The following UBE2E3 variants were observed in gnomAD, a reference collection of about 807,000 sequenced individuals.
The protein encoded by UBE2E3 is ubiquitin conjugating enzyme E2 E3.
In UBE2E3, 5 loss-of-function variants were observed where a neutral mutation model predicts 23.6. The observed-to-expected ratio is 0.21, with a 90% CI of 0.11 to 0.44. The LOEUF (loss-of-function observed/expected upper bound fraction) is 0.44. UBE2E3 is among the 20% of genes least tolerant of loss of function. UBE2E3 has a pLI of 0.99. For synonymous variants in UBE2E3, 78 were observed against 87.5 expected (o/e 0.89, Z 0.60); for missense variants, 81 against 249.8 (o/e 0.32, Z 4.55).
At chr2:180,989,769 C>T (rs1045187128) in intron 3 of UBE2E3, 4 of 1,172,482 alleles carry the variant, frequency 3.4e-6, no homozygotes, top group African/African-American at 1.5e-5. Context: ...TATATGTTTA[C>T]TTCGCAGCTA....
chr2:181,051,788 C>T (rs1454640762), intron 3 of UBE2E3, among the ~76,000 whole-genome samples: 1 of 151,764 alleles, frequency 6.6e-6, no homozygotes, highest in Admixed American at 6.6e-5. Flanking sequence ...ATGGAGTAAC[C>T]TTTTGTATGT....
chr2:180,995,218 C>G (rs533771907), intron 3 of UBE2E3, among the ~76,000 whole-genome samples: 1 of 152,116 alleles, frequency 6.6e-6, no homozygotes, highest in East Asian at 1.9e-4. Context: ...GTTAGTGGCA[C>G]TAGTGATGCT....
At chr2:180,998,030 G>A (rs1221042198) in intron 3 of UBE2E3, among the ~76,000 whole-genome samples, 1 of 152,044 alleles carries the variant, frequency 6.6e-6, no homozygotes, top group Non-Finnish European at 1.5e-5. Flanking sequence ...TCGGTAAAAT[G>A]CCGTAGCACT....
chr2:181,052,701 C>G (rs1455896426), intron 3 of UBE2E3, among the ~76,000 whole-genome samples: 1 of 151,720 alleles, frequency 6.6e-6, no homozygotes, highest in Admixed American at 6.6e-5. Flanking sequence ...TCCTGTTTAC[C>G]TCCCAGTTTG....
At chr2:180,990,071 T>A in intron 3 of UBE2E3, 2 of 1,214,348 alleles carry the variant, frequency 1.6e-6, no homozygotes, top group Non-Finnish European at 2.2e-6. Context: ...TTGGGCATTT[T>A]AATTGGAATC....
chr2:181,015,979 T>A lies in UBE2E3; in HGVS notation c.245+31886T>A, dbSNP rs566001943. Among the ~76,000 whole-genome samples the A allele has an allele frequency of 6.8e-5, 8 of 117,764 alleles. No individual in the cohort carries two copies. The South Asian group carries it at 2.1e-3, about 32-fold the overall frequency. The allele number at this position is 117,764 out of a possible 152,430, so 77.3% of individuals were successfully genotyped here. A position where few individuals can be genotyped will look rare whatever the true frequency, so the allele number is the denominator to read the frequency against. ...AGCATGTTAGAGCAATGAGAATGAG[T>A]CCAGAGTAATTAGCCATGAAGATTA... On this transcript the variant is annotated intron_variant, in intron 3 of 5. Transcript: ENST00000410062.
At chr2:181,034,120 A>G (rs929944636) in intron 3 of UBE2E3, among the ~76,000 whole-genome samples, 12 of 152,328 alleles carry the variant, frequency 7.9e-5, no homozygotes, top group Non-Finnish European at 1.6e-4. Flanking sequence ...ACAGTGTGGC[A>G]ATTTCTCAAG....
chr2:181,020,556 A>C (rs1685642101), intron 3 of UBE2E3, among the ~76,000 whole-genome samples: 1 of 152,204 alleles, frequency 6.6e-6, no homozygotes, highest in African/African-American at 2.4e-5. Flanking sequence ...TAAAACTAGA[A>C]TTATTTCCTT....
intron 3 of UBE2E3, among the ~76,000 whole-genome samples, chr2:181,029,943 T>A (rs1308371031): frequency 6.6e-6 from 1 of 151,722 alleles, no homozygotes; most frequent in East Asian, 1.9e-4. Flanking sequence ...TTCAAGTGAT[T>A]CCCCTTCCTC....
Position 181,062,299 on chromosome 2 carries a change from TAAAAC to T in UBE2E3, c.527-487_527-483del, listed in dbSNP as rs538276418. 3.2e-4 allele frequency among the ~76,000 whole-genome samples: 49 copies of T among 151,780 alleles called. 2 individuals carry two copies. The East Asian group carries it at 8.4e-3, about 26-fold the overall frequency. On this transcript the variant is annotated intron_variant, in intron 5 of 5. Coordinates refer to ENST00000410062, the MANE Select transcript of UBE2E3 (RefSeq NM_006357.4). ...TCACTCTCTAGTTCAGAATTCTACTTAAAACAAAATGGCAAGTAAGTTTTCAAGTG... is the reference window on the plus strand; with the variant it reads ...TCACTCTCTAGTTCAGAATTCTACTTAAAATGGCAAGTAAGTTTTCAAGTG...
At chr2:180,981,349 G>C (rs1684286156) in intron 1 of UBE2E3, 1 of 152,186 alleles carries the variant, frequency 6.6e-6, no homozygotes, top group Non-Finnish European at 1.5e-5. Flanking sequence ...TAAAAATTGA[G>C]CGAGGAACCT....
At chr2:181,038,450 C>T (rs1403902655) in intron 3 of UBE2E3, among the ~76,000 whole-genome samples, 1 of 152,180 alleles carries the variant, frequency 6.6e-6, no homozygotes, top group African/African-American at 2.4e-5. Context: ...CATTAAGTGA[C>T]ACATGACCAT....
At chr2:181,047,783 A>C (rs963926809) in intron 3 of UBE2E3, among the ~76,000 whole-genome samples, 1 of 151,698 alleles carries the variant, frequency 6.6e-6, no homozygotes, top group East Asian at 1.9e-4. Context: ...CATTTTCCAC[A>C]GAGCAGCCTG....
intron 3 of UBE2E3, among the ~76,000 whole-genome samples, chr2:180,986,599 T>C (rs1684478492): frequency 6.6e-6 from 1 of 152,144 alleles, no homozygotes; most frequent in Non-Finnish European, 1.5e-5. Flanking sequence ...TTTATTAATT[T>C]ATGCTATAAT....
intron 3 of UBE2E3, among the ~76,000 whole-genome samples, chr2:180,991,747 A>G (rs909736423): frequency 7.2e-5 from 11 of 152,282 alleles, no homozygotes; most frequent in African/African-American, 2.4e-4. Flanking sequence ...GCCCAGGGAA[A>G]CCAAAAGATT....
chr2:181,029,456 A>G (rs1240401046), intron 3 of UBE2E3, among the ~76,000 whole-genome samples: 4 of 152,050 alleles, frequency 2.6e-5, no homozygotes, highest in Non-Finnish European at 5.9e-5. Flanking sequence ...GATTTCTTTA[A>G]TTCTGATTTT....
intron 3 of UBE2E3, among the ~76,000 whole-genome samples, chr2:181,033,519 A>C (rs1282669530): frequency 6.6e-6 from 1 of 152,014 alleles, no homozygotes; most frequent in African/African-American, 2.4e-5. Flanking sequence ...CACCTTATAC[A>C]AAAATTAATT....
intron 3 of UBE2E3, among the ~76,000 whole-genome samples, chr2:181,029,088 T>C (rs1685988102): frequency 1.3e-5 from 2 of 152,200 alleles, no homozygotes; most frequent in South Asian, 2.1e-4. Context: ...CTTTATTGAA[T>C]AGTCCAGTGG....
chr2:180,982,574 G>A (rs1166451956), intron 2 of UBE2E3, among the ~76,000 whole-genome samples: 1 of 151,944 alleles, frequency 6.6e-6, no homozygotes, highest in Non-Finnish European at 1.5e-5. Context: ...CCTTTTATGA[G>A]TCATAATCTT....
Sources: gnomAD v4.1 joint callset for allele counts (sites outside exome capture counted in the v4.1 genomes callset) on GRCh38, gnomAD v4.1.1 for gene constraint, MANE v1.5 for transcripts, NCBI Gene and HGNC (gene_info 2026-07-23, HGNC 2026-07-21) for gene names.